The following PDE7B variants were observed in gnomAD, a reference collection of about 807,000 sequenced individuals.
PDE7B encodes 3',5'-cyclic-AMP phosphodiesterase 7B.
A neutral mutation model predicts 56.2 loss-of-function variants in PDE7B; 29 were observed. That is an observed-to-expected ratio of 0.52 (90% CI 0.38 to 0.70). The LOEUF is 0.70. Among genes scored for constraint, PDE7B ranks in the 30% least tolerant of loss-of-function variants. The pLI, the probability that PDE7B is intolerant of heterozygous loss-of-function variation, is 0.00. For synonymous variants in PDE7B, 197 were observed against 196.9 expected (o/e 1.00, Z 0.00); for missense variants, 490 against 565.0 (o/e 0.87, Z 1.35).
chr6:135,921,531 T>G (rs1774080409), intron 1 of PDE7B, among the ~76,000 whole-genome samples: 1 of 152,166 alleles, frequency 6.6e-6, no homozygotes, highest in Non-Finnish European at 1.5e-5. Context: ...TATATTAAAA[T>G]TTTCATAGCA....
intron 1 of PDE7B, among the ~76,000 whole-genome samples, chr6:135,853,964 T>G (rs1315513373): frequency 6.6e-6 from 1 of 152,192 alleles, no homozygotes; most frequent in Non-Finnish European, 1.5e-5. Flanking sequence ...TTTCATGTGT[T>G]TTTGAAAAGC....
At chr6:135,949,098 A>C (rs2128199731) in intron 2 of PDE7B, among the ~76,000 whole-genome samples, 1 of 152,194 alleles carries the variant, frequency 6.6e-6, no homozygotes, top group African/African-American at 2.4e-5. Context: ...TCTTCATTTT[A>C]TAAATAAGGA....
intron 2 of PDE7B, among the ~76,000 whole-genome samples, chr6:136,041,887 A>G (rs190899498): frequency 6.6e-6 from 1 of 152,362 alleles, no homozygotes; most frequent in Non-Finnish European, 1.5e-5. Flanking sequence ...TATCAGAACC[A>G]GACCAGCATT....
chr6:136,010,389 C>CTT (rs1327188298), intron 2 of PDE7B, among the ~76,000 whole-genome samples: 1,534 of 98,784 alleles, frequency 0.016, 42 homozygotes, highest in African/African-American at 0.05. Flanking sequence ...TTATTCCCTT[C>CTT]TTTTTTTTTT....
At chr6:136,164,325 G>T (rs571856198) in intron 8 of PDE7B, among the ~76,000 whole-genome samples, 42 of 152,154 alleles carry the variant, frequency 2.8e-4, no homozygotes, top group African/African-American at 9.2e-4. Flanking sequence ...AACAGGTTGG[G>T]GGACCACCAC....
intron 1 of PDE7B, among the ~76,000 whole-genome samples, chr6:135,917,288 CCTTTT>C (rs1041404490): frequency 2.6e-5 from 4 of 151,948 alleles, no homozygotes; most frequent in Non-Finnish European, 5.9e-5. Flanking sequence ...TTTTTTTCAA[CCTTTT>C]CTTATTCTTT....
At chr6:135,966,110 T>C (rs895454852) in intron 2 of PDE7B, among the ~76,000 whole-genome samples, 3 of 152,186 alleles carry the variant, frequency 2.0e-5, no homozygotes, top group African/African-American at 7.2e-5. Context: ...TGGTAATTAA[T>C]GTTCATCTAA....
chr6:135,897,630 A>G (rs886830075), intron 1 of PDE7B, among the ~76,000 whole-genome samples: 2 of 152,234 alleles, frequency 1.3e-5, no homozygotes, highest in Admixed American at 6.5e-5. Flanking sequence ...ACAATTAAGA[A>G]TAAATATTGA....
intron 2 of PDE7B, among the ~76,000 whole-genome samples, chr6:136,067,376 T>G (rs1204748284): frequency 6.6e-6 from 1 of 152,224 alleles, no homozygotes; most frequent in African/African-American, 2.4e-5. Flanking sequence ...CCTAATCATC[T>G]GCCTTTGCTG....
At chr6:135,995,006 C>G (rs1260609324) in intron 2 of PDE7B, among the ~76,000 whole-genome samples, 2 of 152,164 alleles carry the variant, frequency 1.3e-5, no homozygotes, top group African/African-American at 4.8e-5. Flanking sequence ...ACTGGCTTCC[C>G]CATAATCAAA....
At chr6:136,003,929 T>A (rs9494438) in intron 2 of PDE7B, among the ~76,000 whole-genome samples, 20,528 of 151,538 alleles carry the variant, frequency 0.14, 2,822 homozygotes, top group African/African-American at 0.36. Context: ...ATATCCTTGA[T>A]GAACATTGAT....
At chr6:136,160,668 A>T (rs952312634) in intron 8 of PDE7B, among the ~76,000 whole-genome samples, 13 of 152,148 alleles carry the variant, frequency 8.5e-5, no homozygotes, top group Non-Finnish European at 1.5e-4. Context: ...TTAAAACCCT[A>T]CCATGCCTCA....
intron 2 of PDE7B, among the ~76,000 whole-genome samples, chr6:136,016,987 A>G (rs1170623164): frequency 6.6e-6 from 1 of 152,212 alleles, no homozygotes; most frequent in Admixed American, 6.5e-5. Context: ...GCTACAGTCA[A>G]TTGCCTTGAA....
In PDE7B at chr6:136,050,659, G is replaced by GGATCA. The variant is rs548672755; in HGVS notation, c.83-58070_83-58066dup. 2.4e-3 allele frequency among the ~76,000 whole-genome samples: 373 copies of GGATCA among 152,278 alleles called. 6 individuals are homozygous for GGATCA. Among genetic ancestry groups the GGATCA allele is most frequent in the Non-Finnish European group, 5.7e-4 (39 of 68,010 alleles). ...GGTACATGTGCCCATAAGCTACTGA[G>GGATCA]GATCAGCCTTTCAGTTCCTCAGGCT... On this transcript the variant is annotated intron_variant, in intron 2 of 12. Coordinates refer to ENST00000308191, the MANE Select transcript of PDE7B (RefSeq NM_018945.4).
chr6:136,011,255 AG>A (rs1369905412), intron 2 of PDE7B, among the ~76,000 whole-genome samples: 1 of 152,152 alleles, frequency 6.6e-6, no homozygotes, highest in African/African-American at 2.4e-5. Flanking sequence ...TCAAGAGAGC[AG>A]GGTATCAGGC....
intron 1 of PDE7B, among the ~76,000 whole-genome samples, chr6:135,922,738 C>G (rs1238917028): frequency 2.0e-5 from 3 of 152,124 alleles, no homozygotes; most frequent in Non-Finnish European, 4.4e-5. Context: ...GTAAAATTAA[C>G]AACATACCTT....
chr6:136,119,760 GA>G (rs1777898114), intron 3 of PDE7B, among the ~76,000 whole-genome samples: 3 of 152,218 alleles, frequency 2.0e-5, no homozygotes, highest in Admixed American at 2.0e-4. Context: ...GCAAAGCTAT[GA>G]AAGAGTTAAC....
chr6:136,181,761 T>TAA (rs534092328), intron 11 of PDE7B, among the ~76,000 whole-genome samples: 7,386 of 145,974 alleles, frequency 0.051, 588 homozygotes, highest in African/African-American at 0.17. Context: ...CTTGCTTTCT[T>TAA]AAAAAAAAAA....
At chr6:136,086,691 G>A (rs375512457) in intron 2 of PDE7B, among the ~76,000 whole-genome samples, 5 of 152,320 alleles carry the variant, frequency 3.3e-5, no homozygotes, top group African/African-American at 1.2e-4. Flanking sequence ...CATTTTCTCT[G>A]AGGGTGAATT....
Sources: gnomAD v4.1 joint callset for allele counts (sites outside exome capture counted in the v4.1 genomes callset) on GRCh38, gnomAD v4.1.1 for gene constraint, MANE v1.5 for transcripts, NCBI Gene and HGNC (gene_info 2026-07-23, HGNC 2026-07-21) for gene names.